The following CDK6 variants were observed in gnomAD, a reference collection of about 807,000 sequenced individuals.
The protein encoded by CDK6 is cyclin-dependent kinase 6.
CDK6 carries 6 observed loss-of-function variants against 37.1 expected under a neutral mutation model. That is an observed-to-expected ratio of 0.16 (90% CI 0.09 to 0.32). CDK6 has a LOEUF of 0.32. CDK6 is among the 10% of genes least tolerant of loss of function. CDK6 has a pLI of 1.00. For missense variants in CDK6, 224 were observed against 418.9 expected, an observed-to-expected ratio of 0.53 and a Z score of 4.06; for synonymous variants, 160 against 161.3, an observed-to-expected ratio of 0.99 and a Z score of 0.06.
intron 3 of CDK6, among the ~76,000 whole-genome samples, chr7:92,743,291 G>T (rs1011199937): frequency 6.6e-6 from 1 of 151,746 alleles, no homozygotes; most frequent in Non-Finnish European, 1.5e-5. Flanking sequence ...CAGGAGAATC[G>T]CTTGAACCAG....
At chr7:92,723,558 T>C (rs73406765) in intron 4 of CDK6, among the ~76,000 whole-genome samples, 4,499 of 152,268 alleles carry the variant, frequency 0.03, 196 homozygotes, top group African/African-American at 0.1. Flanking sequence ...CTATATTAAA[T>C]GGGTATTTCC....
intron 2 of CDK6, among the ~76,000 whole-genome samples, chr7:92,791,815 T>C (rs1003417931): frequency 8.5e-5 from 13 of 152,082 alleles, no homozygotes; most frequent in African/African-American, 2.7e-4. Flanking sequence ...GGTATGTAGG[T>C]ACACAGAAAA....
At chr7:92,646,692 C>T (rs113861828) in intron 5 of CDK6, among the ~76,000 whole-genome samples, 6,656 of 151,400 alleles carry the variant, frequency 0.044, 178 homozygotes, top group Non-Finnish European at 0.058. Flanking sequence ...GCCACTGCGC[C>T]TGGCCAGCAC....
At chr7:92,664,368 T>C (rs868840741) in intron 5 of CDK6, among the ~76,000 whole-genome samples, 1 of 152,128 alleles carries the variant, frequency 6.6e-6, no homozygotes, top group Middle Eastern at 3.2e-3. Context: ...GGTCAGCTTG[T>C]GAAGGACCTC....
chr7:92,696,471 T>C (rs1408518682), intron 4 of CDK6, among the ~76,000 whole-genome samples: 3 of 152,208 alleles, frequency 2.0e-5, no homozygotes, highest in African/African-American at 4.8e-5. Flanking sequence ...AATCTTACCA[T>C]ATATGTGTAT....
At chr7:92,801,550 C>T in intron 2 of CDK6, among the ~76,000 whole-genome samples, 1 of 152,130 alleles carries the variant, frequency 6.6e-6, no homozygotes, top group East Asian at 1.9e-4. Context: ...GCTCCCTCCA[C>T]CATACCACTC....
intron 6 of CDK6, among the ~76,000 whole-genome samples, chr7:92,621,623 T>G (rs545022163): frequency 6.6e-6 from 1 of 152,224 alleles, no homozygotes; most frequent in Admixed American, 6.5e-5. Context: ...TTCCTCTTTA[T>G]GATCACATGC....
chr7:92,672,184 G>GACACACACAC (rs1175195840), intron 4 of CDK6, among the ~76,000 whole-genome samples: 876 of 44,064 alleles, frequency 0.02, 76 homozygotes, highest in Non-Finnish European at 0.024. Context: ...CACACACACA[G>GACACACACAC]ACACATACAC....
intron 4 of CDK6, among the ~76,000 whole-genome samples, chr7:92,685,923 TCTG>T (rs1304636215): frequency 1.3e-5 from 2 of 152,226 alleles, no homozygotes; most frequent in Admixed American, 1.3e-4. Flanking sequence ...TTCTTTTGTT[TCTG>T]CTTTCTTCTG....
At chr7:92,777,509 G>A (rs955413173) in intron 2 of CDK6, among the ~76,000 whole-genome samples, 1 of 152,218 alleles carries the variant, frequency 6.6e-6, no homozygotes, top group African/African-American at 2.4e-5. Flanking sequence ...GCCTCCTGAA[G>A]TGTTGGGATT....
At chr7:92,758,143 T>C (rs1240861766) in intron 3 of CDK6, among the ~76,000 whole-genome samples, 1 of 152,216 alleles carries the variant, frequency 6.6e-6, no homozygotes, top group Non-Finnish European at 1.5e-5. Flanking sequence ...GCAGAGCTCA[T>C]AAACTTAATT....
intron 5 of CDK6, among the ~76,000 whole-genome samples, chr7:92,625,823 T>C (rs1296214861): frequency 1.3e-5 from 2 of 152,048 alleles, no homozygotes; most frequent in Non-Finnish European, 2.9e-5. Context: ...GGGATGAAAG[T>C]TTCATTTAGT....
At chr7:92,669,371 G>A (rs1337465152) in intron 5 of CDK6, among the ~76,000 whole-genome samples, 1 of 152,166 alleles carries the variant, frequency 6.6e-6, no homozygotes, top group Admixed American at 6.5e-5. Flanking sequence ...TTCCTTAGTA[G>A]TGAATACTTA....
chr7:92,650,619 G>A (rs79835522), intron 5 of CDK6, among the ~76,000 whole-genome samples: 7,681 of 152,164 alleles, frequency 0.05, 221 homozygotes, highest in Non-Finnish European at 0.058. Flanking sequence ...TCAAGGTGTC[G>A]GCAGAGCTGT....
chr7:92,607,922 A>G lies in CDK6; in HGVS notation c.*7218T>C, dbSNP rs1480925020. 1 of 233,340 alleles carries G rather than the reference A, an allele frequency of 4.3e-6. No homozygotes were observed. The highest frequency in any genetic ancestry group is 8.5e-6 in the Non-Finnish European group (1 of 117,946). The allele number at this position is 233,340 out of a possible 1,614,324, so 14.5% of individuals were successfully genotyped here. A position where few individuals can be genotyped will look rare whatever the true frequency, so the allele number is the denominator to read the frequency against. On this transcript the variant is annotated 3_prime_UTR_variant, in exon 8 of 8. Transcript: ENST00000424848. The stretch of plus-strand genomic sequence containing the variant: ...ATGCACTGTGAGGTTTAAGAAATGT[A>G]TTACTGCTGGGATTTGTTTTATTAT...
At chr7:92,702,217 A>ATTTTT (rs1562940434) in intron 4 of CDK6, among the ~76,000 whole-genome samples, 1 of 49,858 alleles carries the variant, frequency 2.0e-5, no homozygotes, top group African/African-American at 6.9e-5. Flanking sequence ...TATCAAGTAT[A>ATTTTT]TTCTTTTTTT....
intron 4 of CDK6, among the ~76,000 whole-genome samples, chr7:92,680,803 A>C (rs1797318510): frequency 6.6e-6 from 1 of 152,150 alleles, no homozygotes; most frequent in Non-Finnish European, 1.5e-5. Flanking sequence ...GAGTCTCTGC[A>C]GGTCCAGATC....
intron 3 of CDK6, among the ~76,000 whole-genome samples, chr7:92,727,156 C>A (rs1490240759): frequency 6.6e-6 from 1 of 152,084 alleles, no homozygotes; most frequent in Non-Finnish European, 1.5e-5. Context: ...TTAAGAGTGA[C>A]CTACTCCCCT....
chr7:92,747,062 A>G (rs1799077786), intron 3 of CDK6, among the ~76,000 whole-genome samples: 1 of 152,170 alleles, frequency 6.6e-6, no homozygotes, highest in Admixed American at 6.5e-5. Context: ...CAGAAGTTGC[A>G]GCCACAAGTT....
Sources: gnomAD v4.1 joint callset for allele counts (sites outside exome capture counted in the v4.1 genomes callset) on GRCh38, gnomAD v4.1.1 for gene constraint, MANE v1.5 for transcripts, NCBI Gene and HGNC (gene_info 2026-07-23, HGNC 2026-07-21) for gene names.